Variants in FOLH1 observed in about 807,000 individuals in gnomAD.
FOLH1 encodes the protein glutamate carboxypeptidase 2.
A neutral mutation model predicts 93.9 loss-of-function variants in FOLH1; 54 were observed. The ratio of observed to expected loss-of-function variants is 0.57; its 90% CI spans 0.46 to 0.72. The LOEUF (loss-of-function observed/expected upper bound fraction) is 0.72, where lower values mean the gene tolerates loss of function less well. FOLH1 is among the 30% of genes least tolerant of loss of function. FOLH1 has a pLI of 0.00. For missense variants in FOLH1, 571 were observed against 892.5 expected (o/e 0.64, Z 4.59); for synonymous variants, 249 against 303.6 (o/e 0.82, Z 1.87).
intron 18 of FOLH1, 94 bp from the exon 19 acceptor site, chr11:49,147,039 A>G (rs917368594): frequency 2.2e-6 from 3 of 1,353,526 alleles, no homozygotes; most frequent in African/African-American, 2.9e-5. Flanking sequence ...GCATATTCCT[A>G]TAACAATTTG....
chr11:49,174,987 A>C lies in FOLH1; in HGVS notation c.1020-10T>G, dbSNP rs1305184472. ...GTGCATCTTGACTTTTCTAATGCAA[A>C]AATAAAAGACATTCTTAAAAAAAAA... On this transcript the variant is annotated splice_polypyrimidine_tract_variant and intron_variant, in intron 8 of 18. Transcript: ENST00000256999. The C allele has an allele frequency of 6.2e-7, 1 of 1,606,756 alleles. No homozygotes were observed. Among genetic ancestry groups the C allele is most frequent in the Admixed American group, 1.7e-5 (1 of 58,808 alleles).
chr11:49,172,364 C>T (rs1448895918), intron 10 of FOLH1, among the ~76,000 whole-genome samples: 2 of 152,036 alleles, frequency 1.3e-5, no homozygotes, highest in Non-Finnish European at 2.9e-5. Flanking sequence ...AAGAACTGAG[C>T]GCCTTTACAT....
chr11:49,160,807 T>G (rs2134971734), intron 13 of FOLH1, among the ~76,000 whole-genome samples: 1 of 152,312 alleles, frequency 6.6e-6, no homozygotes, highest in African/African-American at 2.4e-5. Flanking sequence ...CTGCCTTAGC[T>G]GTGTCCCAGA....
At chr11:49,187,097 G>C (rs577521476) in intron 4 of FOLH1, among the ~76,000 whole-genome samples, 1 of 152,256 alleles carries the variant, frequency 6.6e-6, no homozygotes, top group East Asian at 1.9e-4. Flanking sequence ...CAACTTGAAG[G>C]TGTCCAGATA....
At chr11:49,148,292 A>C (rs996229165) in intron 18 of FOLH1, among the ~76,000 whole-genome samples, 1 of 151,242 alleles carries the variant, frequency 6.6e-6, no homozygotes, top group Non-Finnish European at 1.5e-5. Flanking sequence ...TTTAAAATAG[A>C]AAAGGAGCTA....
chr11:49,151,136 C>T (rs182816383), intron 17 of FOLH1, among the ~76,000 whole-genome samples: 4 of 152,074 alleles, frequency 2.6e-5, no homozygotes, highest in East Asian at 3.9e-4. Context: ...TGCACCTTGC[C>T]GACAAAAGGA....
chr11:49,166,292 G>A (rs56279055), intron 12 of FOLH1, among the ~76,000 whole-genome samples: 6,076 of 144,452 alleles, frequency 0.042, 143 homozygotes, highest in Non-Finnish European at 0.055. Flanking sequence ...AGTGGTTAGA[G>A]GGGTAAAGTT....
At chr11:49,189,732 G>A (rs1861820995) in intron 4 of FOLH1, among the ~76,000 whole-genome samples, 1 of 152,122 alleles carries the variant, frequency 6.6e-6, no homozygotes, top group Non-Finnish European at 1.5e-5. Context: ...GGGGTTTCCT[G>A]TAATGTGGAT....
At position 49,206,061 on chromosome 11, in the gene FOLH1, A is replaced by T; in HGVS notation, c.224+6T>A. On this transcript the variant is annotated splice_donor_region_variant and intron_variant, in intron 2 of 18. Coordinates refer to ENST00000256999, the MANE Select transcript of FOLH1 (RefSeq NM_004476.3). ...TGTCCATATAAACTTTCGAGGATGT[A>T]CTTACTATAAGAACTTCTTGATGTT... is the stretch of plus-strand genomic sequence containing the variant. The T allele has an allele frequency of 6.2e-7, 1 of 1,608,272 alleles. No individual in the cohort carries two copies. The highest frequency in any genetic ancestry group is 8.5e-7 in the Non-Finnish European group (1 of 1,177,524).
chr11:49,181,412 A>G (rs946764698), intron 7 of FOLH1, among the ~76,000 whole-genome samples: 17 of 151,940 alleles, frequency 1.1e-4, no homozygotes, highest in African/African-American at 3.9e-4. Context: ...GCCCAGCCCC[A>G]TGTTTTAATT....
rs182699512 is a variant in FOLH1 at position 49,205,160 on chromosome 11, C to T, written c.224+907G>A. 5.1e-3 allele frequency among the ~76,000 whole-genome samples: 775 copies of T among 151,706 alleles called. 3 individuals carry two copies. Among genetic ancestry groups the T allele is most frequent in the Non-Finnish European group, 7.3e-3 (493 of 67,918 alleles). On this transcript the variant is annotated intron_variant, in intron 2 of 18. Coordinates refer to ENST00000256999, the MANE Select transcript of FOLH1 (RefSeq NM_004476.3). ...CGGAGGTTACAGTGAGCTGAGATCA[C>T]GCCATTGCACTCCAGCCTGGGCAAC...
intron 2 of FOLH1, among the ~76,000 whole-genome samples, chr11:49,200,716 ATTCT>A (rs1319936968): frequency 6.6e-6 from 1 of 152,174 alleles, no homozygotes; most frequent in Non-Finnish European, 1.5e-5. Flanking sequence ...AGATTATCAT[ATTCT>A]TTCTTAAGAC....
intron 1 of FOLH1, chr11:49,207,747 A>G: frequency 2.7e-6 from 1 of 375,264 alleles, no homozygotes. Flanking sequence ...GAATTTAATA[A>G]AAGAGTCTGA....
At chr11:49,171,129 C>G (rs1215741908) in intron 11 of FOLH1, 66 bp downstream of exon 11, 1 of 1,461,522 alleles carries the variant, frequency 6.8e-7, no homozygotes, top group African/African-American at 1.4e-5. Flanking sequence ...TTTTTATGTG[C>G]TTGGCAAATA....
Position 49,145,441 on chromosome 11 carries a change from G to A in FOLH1, c.*1315C>T, listed in dbSNP as rs1855742550. Among the ~76,000 whole-genome samples, 1 of 152,164 alleles carries A rather than the reference G, an allele frequency of 6.6e-6. No homozygotes were observed. Among genetic ancestry groups the A allele is most frequent in the Admixed American group, 6.6e-5 (1 of 15,260 alleles). ...TTCCTGAAGTTCATGGTGGCCAGGA[G>A]AACCCAGCGGCCAAGAGCTTCTCCT... On this transcript the variant is annotated 3_prime_UTR_variant, in exon 19 of 19. Transcript: ENST00000256999.
intron 7 of FOLH1, among the ~76,000 whole-genome samples, chr11:49,179,475 T>C (rs1185023709): frequency 1.3e-5 from 2 of 152,106 alleles, no homozygotes; most frequent in African/African-American, 2.4e-5. Context: ...CACAAATATA[T>C]GGAAATTAAA....
rs530501506 is a variant in FOLH1, at chr11:49,207,899, T to C, written c.118+393A>G. ...CACACAGTTCCCAAGCTTGCCTCTG[T>C]TACTTCCAAGGAAGAAAGAATGCAC... On this transcript the variant is annotated intron_variant, in intron 1 of 18. Coordinates refer to ENST00000256999, the MANE Select transcript of FOLH1 (RefSeq NM_004476.3). 1,065 of 464,638 alleles carry C rather than the reference T, an allele frequency of 2.3e-3. 6 individuals carry two copies. The highest frequency in any genetic ancestry group is 2.5e-3 in the Non-Finnish European group (571 of 232,870). The allele number at this position is 464,638 out of a possible 1,614,324, so 28.8% of individuals were successfully genotyped here.
At chr11:49,155,403 G>A (rs1451236185) in intron 15 of FOLH1, among the ~76,000 whole-genome samples, 1 of 152,044 alleles carries the variant, frequency 6.6e-6, no homozygotes, top group Non-Finnish European at 1.5e-5. Context: ...AATAGCCCAT[G>A]AGGAAAGGCT....
chr11:49,182,428 A>C (rs1197297106), intron 7 of FOLH1, among the ~76,000 whole-genome samples: 1 of 151,682 alleles, frequency 6.6e-6, no homozygotes, highest in East Asian at 1.9e-4. Context: ...CAAATCTGGG[A>C]AAGTTTCAAT....
Sources: allele counts gnomAD v4.1 joint callset (sites outside exome capture counted in the v4.1 genomes callset), GRCh38; gene constraint gnomAD v4.1.1; transcripts MANE v1.5; gene names NCBI Gene and HGNC (gene_info 2026-07-23, HGNC 2026-07-21).